The following VPS13D variants were observed in gnomAD, a reference collection of about 807,000 sequenced individuals.
VPS13D encodes intermembrane lipid transfer protein VPS13D.
VPS13D carries 187 observed loss-of-function variants against 461.9 expected under a neutral mutation model. That is an observed-to-expected ratio of 0.40 (90% CI 0.36 to 0.46). The LOEUF (loss-of-function observed/expected upper bound fraction) is 0.46, where lower values mean the gene tolerates loss of function less well. Ranked by LOEUF, VPS13D falls within the 20% of genes least tolerant of loss-of-function variation. The pLI is 0.60. For missense variants in VPS13D, 4,711 were observed against 5,364.9 expected, an observed-to-expected ratio of 0.88 and a Z score of 3.81; for synonymous variants, 1,951 against 1,986.3, an observed-to-expected ratio of 0.98 and a Z score of 0.47.
chr1:12,455,120 T>C (rs1470020795), intron 65 of VPS13D, among the ~76,000 whole-genome samples: 1 of 152,228 alleles, frequency 6.6e-6, no homozygotes, highest in Non-Finnish European at 1.5e-5. Flanking sequence ...GCATTTGAAA[T>C]CATGAGTTCA....
chr1:12,400,394 G>C, intron 61 of VPS13D, 64 bp downstream of exon 61: 1 of 1,583,986 alleles, frequency 6.3e-7, no homozygotes, highest in Admixed American at 1.8e-5. Context: ...TTCTCTCACA[G>C]CCAAGTCTCA....
chr1:12,250,939 A>ATGGAAGAGCG, intron 6 of VPS13D, among the ~76,000 whole-genome samples: 3 of 123,246 alleles, frequency 2.4e-5, no homozygotes, highest in Admixed American at 8.1e-5. Flanking sequence ...TGACTCTGCC[A>ATGGAAGAGCG]TGCTCATTAG....
intron 63 of VPS13D, among the ~76,000 whole-genome samples, chr1:12,410,200 T>A (rs1644705644): frequency 6.6e-6 from 1 of 152,152 alleles, no homozygotes; most frequent in Non-Finnish European, 1.5e-5. Flanking sequence ...CTGAGAGAAA[T>A]CAAGCAAAAA....
rs537806257 is a variant in VPS13D at position 12,486,960 on chromosome 1, G to A, written c.12663-10540G>A. ...CCGCATGGCTTCCCTCAACACCTAC[G>A]TTTCCAGGCCATGGCTTGGGTTCAG... On this transcript the variant is annotated intron_variant, in intron 67 of 69. Coordinates refer to ENST00000620676, the MANE Select transcript of VPS13D (RefSeq NM_015378.4). 2.4e-4 allele frequency among the ~76,000 whole-genome samples: 36 copies of A among 152,092 alleles called. No individual in the cohort carries two copies. In the South Asian group the frequency reaches 3.5e-3, roughly 15 times the overall value.
At position 12,250,271 on chromosome 1, in the gene VPS13D, C is replaced by T. The variant is rs1171735944; in HGVS notation, c.564+932C>T. Among the ~76,000 whole-genome samples, 6 of 152,184 alleles carry T rather than the reference C, an allele frequency of 3.9e-5. No homozygotes were observed. The East Asian group carries it at 7.7e-4, about 20-fold the overall frequency. ...GGTCAGTGAGTGGTGCTGAAAGGCC[C>T]AACCCTCTAATTACTTGATCTTTCT... On this transcript the variant is annotated intron_variant, in intron 6 of 69. Transcript: ENST00000620676.
Position 12,369,650 on chromosome 1 carries a change from C to T in VPS13D, c.10756C>T (p.Gln3586Ter). ...CNMNDFQDNR[Q>*]LYYENFIYIA... Reference sequence around the variant, plus strand: ...CATGAATGATTTCCAGGATAATCGGCAGCTTTATTATGAAAATTTCATTTA... The same window carrying T: ...CATGAATGATTTCCAGGATAATCGGTAGCTTTATTATGAAAATTTCATTTA... Residue 3586 changes from glutamine (Q) to a stop codon, truncating the protein, a stop_gained, in exon 54 of 70, where the codon CAG becomes TAG. Coordinates refer to ENST00000620676, the MANE Select transcript of VPS13D (RefSeq NM_015378.4). LOFTEE classifies it high-confidence loss of function. 4 of 1,614,204 alleles carry T rather than the reference C, an allele frequency of 2.5e-6. No homozygotes were observed. Among genetic ancestry groups the T allele is most frequent in the Non-Finnish European group, 3.4e-6 (4 of 1,180,026 alleles).
intron 47 of VPS13D, among the ~76,000 whole-genome samples, chr1:12,354,427 A>G (rs1000018274): frequency 6.6e-6 from 1 of 152,126 alleles, no homozygotes; most frequent in African/African-American, 2.4e-5. Flanking sequence ...CCAGCTTCTC[A>G]GGAGGCTGAG....
chr1:12,505,583 G>A lies in VPS13D; in HGVS notation c.12795-1270G>A, dbSNP rs924492522. Among the ~76,000 whole-genome samples, 1 of 152,214 alleles carries A rather than the reference G, an allele frequency of 6.6e-6. No homozygotes were observed. The highest frequency in any genetic ancestry group is 6.5e-5 in the Admixed American group (1 of 15,290). On this transcript the variant is annotated intron_variant, in intron 68 of 69. Coordinates refer to ENST00000620676, the MANE Select transcript of VPS13D (RefSeq NM_015378.4). This position sits in a 1 kb window ranked among gnomAD's most constrained non-coding sequence, Gnocchi z 4.2. ...CTGTGGGGTGCTCAGGAAGACACGG[G>A]GCTGTGAGATATGGACTCCACTTAG...
intron 54 of VPS13D, among the ~76,000 whole-genome samples, chr1:12,370,420 G>A (rs1187863710): frequency 2.0e-5 from 3 of 152,178 alleles, no homozygotes; most frequent in African/African-American, 7.2e-5. Context: ...TAAATCACCT[G>A]ATGAATAGGG....
intron 67 of VPS13D, among the ~76,000 whole-genome samples, chr1:12,483,810 CA>C (rs1175376678): frequency 6.6e-6 from 1 of 151,942 alleles, no homozygotes; most frequent in East Asian, 1.9e-4. Context: ...CCAGCCTGAC[CA>C]ACATGGTGAA....
intron 3 of VPS13D, among the ~76,000 whole-genome samples, chr1:12,243,797 G>A (rs1042989775): frequency 2.0e-5 from 3 of 152,182 alleles, no homozygotes; most frequent in Non-Finnish European, 4.4e-5. Context: ...CTATGTTTCA[G>A]TTTGTGGTGG....
intron 52 of VPS13D, among the ~76,000 whole-genome samples, chr1:12,366,084 A>G (rs1315799914): frequency 6.6e-6 from 1 of 151,848 alleles, no homozygotes; most frequent in Non-Finnish European, 1.5e-5. Context: ...AAAAAAATAG[A>G]AAAAAGTAGA....
At chr1:12,427,442 T>G (rs1644937122) in intron 65 of VPS13D, among the ~76,000 whole-genome samples, 1 of 151,670 alleles carries the variant, frequency 6.6e-6, no homozygotes, top group Admixed American at 6.6e-5. Context: ...TCCATATCTG[T>G]GGGTTCTGTA....
Position 12,386,300 on chromosome 1 carries a change from G to T in VPS13D, c.11600G>T (p.Ser3867Ile). The T allele has an allele frequency of 6.2e-7, 1 of 1,612,162 alleles. No homozygotes were observed. The highest frequency in any genetic ancestry group is 1.1e-5 in the South Asian group (1 of 90,604). ...INVHYTQLATSHMLELSIQDV... is the reference protein window; with the variant it reads ...INVHYTQLATIHMLELSIQDV... ...GTGCACTATACACAGCTGGCAACCA[G>T]TCACATGCTTGAACTCAGCATACAG... Residue 3867 changes from serine (S) to isoleucine (I), a missense_variant, in exon 60 of 70, where the codon AGT becomes ATT. By Grantham distance (142) the Ser-to-Ile change is moderately radical. Around this residue, in one of 3 missense-constraint regions of VPS13D, gnomAD observed 4,411 missense variants for 4,937.8 expected, o/e 0.89. Coordinates refer to ENST00000620676, the MANE Select transcript of VPS13D (RefSeq NM_015378.4).
At chr1:12,456,799 C>T (rs1389256833) in intron 66 of VPS13D, among the ~76,000 whole-genome samples, 3 of 152,190 alleles carry the variant, frequency 2.0e-5, no homozygotes, top group Admixed American at 1.3e-4. Context: ...GTGCACATTG[C>T]AATTCCTTTT....
At chr1:12,441,020 G>A (rs1180622752) in intron 65 of VPS13D, among the ~76,000 whole-genome samples, 3 of 152,020 alleles carry the variant, frequency 2.0e-5, no homozygotes, top group Admixed American at 6.5e-5. Context: ...CCGCCTCCTG[G>A]GTTCAAGCGA....
intron 55 of VPS13D, among the ~76,000 whole-genome samples, chr1:12,377,641 G>A (rs1190218322): frequency 1.3e-5 from 2 of 151,488 alleles, no homozygotes; most frequent in African/African-American, 2.4e-5. Flanking sequence ...CCAACATGGC[G>A]AAACCCTGTC....
At chr1:12,246,945 T>C (rs1192302170) in intron 5 of VPS13D, among the ~76,000 whole-genome samples, 1 of 152,212 alleles carries the variant, frequency 6.6e-6, no homozygotes, top group Non-Finnish European at 1.5e-5. Context: ...TAAACATTTG[T>C]GTATAGGGTT....
intron 5 of VPS13D, among the ~76,000 whole-genome samples, chr1:12,244,889 T>G (rs941003496): frequency 7.2e-5 from 11 of 152,214 alleles, no homozygotes; most frequent in Non-Finnish European, 1.3e-4. Flanking sequence ...CCGCACTTTC[T>G]TTTTGAATGT....
Sources: allele counts gnomAD v4.1 joint callset (sites outside exome capture counted in the v4.1 genomes callset), GRCh38; gene constraint gnomAD v4.1.1; regional missense constraint gnomAD v4.1.1; non-coding constraint Gnocchi (gnomAD v3.1); transcripts MANE v1.5; gene names NCBI Gene and HGNC (gene_info 2026-07-23, HGNC 2026-07-21).